The following ADGRF5 variants were observed in gnomAD, a reference collection of about 807,000 sequenced individuals.
The protein encoded by ADGRF5 is G-protein coupled receptor 116.
Under a neutral mutation model 132.3 loss-of-function variants are expected in ADGRF5, and 75 were observed. The ratio of observed to expected loss-of-function variants is 0.57; its 90% CI spans 0.47 to 0.69. The LOEUF (loss-of-function observed/expected upper bound fraction) is 0.69. Among genes scored for constraint, ADGRF5 ranks in the 30% least tolerant of loss-of-function variants. The pLI, the probability that ADGRF5 is intolerant of heterozygous loss-of-function variation, is 0.00. For missense variants in ADGRF5, 1,516 were observed against 1,630.6 expected (o/e 0.93, Z 1.21); for synonymous variants, 629 against 597.6 (o/e 1.05, Z -0.77).
chr6:46,868,442 T>G (rs1273086195), intron 12 of ADGRF5, among the ~76,000 whole-genome samples: 1 of 152,228 alleles, frequency 6.6e-6, no homozygotes, highest in Non-Finnish European at 1.5e-5. Context: ...TTTCAAAGAT[T>G]TGCATTTCCT....
intron 7 of ADGRF5, among the ~76,000 whole-genome samples, chr6:46,881,823 C>T (rs1039673344): frequency 6.6e-6 from 1 of 152,138 alleles, no homozygotes; most frequent in Non-Finnish European, 1.5e-5. Flanking sequence ...TATCCCTTAT[C>T]TTTGCTTGCA....
intron 1 of ADGRF5, among the ~76,000 whole-genome samples, chr6:46,919,170 G>T (rs1776679159): frequency 6.6e-6 from 1 of 152,230 alleles, no homozygotes; most frequent in Non-Finnish European, 1.5e-5. Flanking sequence ...CTACAAAGCT[G>T]ACAGAATCCA....
At chr6:46,891,466 C>T (rs1188608105) in intron 3 of ADGRF5, among the ~76,000 whole-genome samples, 3 of 152,198 alleles carry the variant, frequency 2.0e-5, no homozygotes, top group Non-Finnish European at 2.9e-5. Flanking sequence ...TCACTACCTC[C>T]AGGATCCTCT....
chr6:46,877,250 T>A (rs968519527), intron 10 of ADGRF5, among the ~76,000 whole-genome samples: 1 of 32,752 alleles, frequency 3.1e-5, no homozygotes, highest in Non-Finnish European at 5.8e-5. Context: ...TTTCTTTCTT[T>A]CTTTCTTTCT....
chr6:46,889,049 G>C (rs1277501762), intron 3 of ADGRF5, among the ~76,000 whole-genome samples: 1 of 151,868 alleles, frequency 6.6e-6, no homozygotes, highest in African/African-American at 2.4e-5. Flanking sequence ...TAAAATAAAA[G>C]AGATTTTCAG....
Position 46,865,085 on chromosome 6 carries a change from A to G in ADGRF5, c.1947T>C (p.Asn649=), listed in dbSNP as rs1770263120. The G allele has an allele frequency of 3.7e-6, 6 of 1,610,538 alleles. No homozygotes were observed. In the East Asian group the frequency reaches 1.3e-4, roughly 36 times the overall value. Residue 649 remains asparagine (N), a synonymous_variant, in exon 14 of 21, where the codon AAT becomes AAC. Coordinates refer to ENST00000283296, the MANE Select transcript of ADGRF5 (RefSeq NM_001098518.2). The part of the protein sequence containing the change: ...DVCCHFTNAA[N]NSVWSPSMKL... ...TCATAGATGGGCTCCAGACTGAATTATTAGCAGCATTGGTAAAGTGACAAC... is the reference window on the plus strand; with the variant it reads ...TCATAGATGGGCTCCAGACTGAATTGTTAGCAGCATTGGTAAAGTGACAAC...
upstream of ADGRF5, among the ~76,000 whole-genome samples, chr6:46,923,913 G>A (rs759595675): frequency 2.6e-5 from 4 of 152,144 alleles, no homozygotes; most frequent in Non-Finnish European, 5.9e-5. Flanking sequence ...ATTCTAAAAC[G>A]TTGGTGTTGG....
rs614826 is a variant in ADGRF5, at chr6:46,865,076, G to A, written c.1956C>T (p.Val652=). ...CHFTNAANNS[V]WSPSMKLNLV... is the part of the protein sequence containing the mutation. ...GATTCAGCTTCATAGATGGGCTCCA[G>A]ACTGAATTATTAGCAGCATTGGTAA... Residue 652 remains valine, a synonymous_variant, in exon 14 of 21, where the codon GTC becomes GTT. Transcript: ENST00000283296. The A allele has an allele frequency of 0.69, 1,116,399 of 1,607,472 alleles. 401,255 individuals carry two copies. Among genetic ancestry groups the A allele is most frequent in the Non-Finnish European group, 0.74 (871,734 of 1,174,570 alleles).
chr6:46,854,708 A>G, intron 20 of ADGRF5: 2 of 1,282,342 alleles, frequency 1.6e-6, no homozygotes, highest in Non-Finnish European at 2.0e-6. Flanking sequence ...TGAAGTGCCC[A>G]CCCTACCATC....
In ADGRF5 at chr6:46,858,356, C is replaced by A; in HGVS notation, c.3547G>T (p.Val1183Leu). 1 of 1,614,012 alleles carries A rather than the reference C, an allele frequency of 6.2e-7. No homozygotes were observed. Reference sequence around the variant, plus strand: ...ATAGTGATGGTTATGTTCACCACCACAATGATCAGTGCTGGGATGGCGAAA... The same window carrying A: ...ATAGTGATGGTTATGTTCACCACCAAAATGATCAGTGCTGGGATGGCGAAA... ...LAFAIPALII[V>L]VVNITITIVV... Residue 1183 changes from valine (V) to leucine (L), a missense_variant, in exon 17 of 21, where the codon GTG becomes TTG. Coordinates refer to ENST00000283296, the MANE Select transcript of ADGRF5 (RefSeq NM_001098518.2).
chr6:46,923,135 C>T (rs562032158), upstream of ADGRF5, among the ~76,000 whole-genome samples: 112 of 152,310 alleles, frequency 7.4e-4, no homozygotes, highest in African/African-American at 2.6e-3. Context: ...CCATGTTGGC[C>T]AGGCTGGTCT....
chr6:46,907,807 G>C (rs756722873), intron 1 of ADGRF5: 16 of 152,154 alleles, frequency 1.1e-4, no homozygotes, highest in Non-Finnish European at 2.1e-4. Context: ...TGTCTTCTCT[G>C]AGTCCAAGTT....
intron 13 of ADGRF5, 93 bp downstream of exon 13, chr6:46,866,832 C>G: frequency 1.4e-6 from 1 of 713,688 alleles, no homozygotes; most frequent in Non-Finnish European, 2.5e-6. Context: ...CTGATACAAT[C>G]CTATGTCTCT....
At chr6:46,881,434 T>G (rs527962910) in intron 8 of ADGRF5, 21 bp downstream of exon 8, 1 of 1,602,748 alleles carries the variant, frequency 6.2e-7, no homozygotes, top group African/African-American at 1.3e-5. Flanking sequence ...AACATGACCA[T>G]ATCTAAACAA....
At chr6:46,917,813 G>C (rs1310188479) in intron 1 of ADGRF5, among the ~76,000 whole-genome samples, 1 of 152,060 alleles carries the variant, frequency 6.6e-6, no homozygotes, top group East Asian at 1.9e-4. Flanking sequence ...GGAATTGATG[G>C]GCACAGCAAA....
At chr6:46,941,206 T>A (rs1778032444) in intron 1 of ADGRF5, among the ~76,000 whole-genome samples, 1 of 151,884 alleles carries the variant, frequency 6.6e-6, no homozygotes, top group Admixed American at 6.6e-5. Flanking sequence ...GGCAAGCATC[T>A]GTAATACTAG....
At chr6:46,867,262 C>T (rs1225777219) in intron 12 of ADGRF5, 125 bp from the exon 13 acceptor site, 1 of 614,938 alleles carries the variant, frequency 1.6e-6, no homozygotes, top group Non-Finnish European at 2.9e-6. Context: ...ACCACAACTT[C>T]CTGGACACTG....
chr6:46,877,379 T>TTC (rs1334013175), intron 10 of ADGRF5, among the ~76,000 whole-genome samples: 1 of 12,726 alleles, frequency 7.9e-5, no homozygotes, highest in African/African-American at 1.5e-4. Flanking sequence ...CTTTCTTTCT[T>TTC]TCTTTCTTCT....
At chr6:46,907,086 G>A (rs1268942183) in intron 1 of ADGRF5, among the ~76,000 whole-genome samples, 1 of 152,156 alleles carries the variant, frequency 6.6e-6, no homozygotes, top group South Asian at 2.1e-4. Flanking sequence ...AAAAGACTCA[G>A]AGAACACTAT....
Sources: gnomAD v4.1 joint callset for allele counts (sites outside exome capture counted in the v4.1 genomes callset) on GRCh38, gnomAD v4.1.1 for gene constraint, MANE v1.5 for transcripts, NCBI Gene and HGNC (gene_info 2026-07-23, HGNC 2026-07-21) for gene names.